TEX15: variants seen among roughly 807,000 people sequenced by gnomAD.
TEX15 encodes the protein testis-expressed protein 15.
A neutral mutation model predicts 237.3 loss-of-function variants in TEX15; 171 were observed. The ratio of observed to expected loss-of-function variants is 0.72; its 90% confidence interval spans 0.64 to 0.82. The LOEUF (loss-of-function observed/expected upper bound fraction) is 0.82. Ranked by LOEUF, TEX15 falls within the 40% of genes least tolerant of loss-of-function variation. The probability of loss-of-function intolerance (pLI) is 0.00; values close to 1 mark genes in which losing one functional copy is unlikely to be tolerated. For missense variants in TEX15, 3,750 were observed against 3,646.5 expected, an observed-to-expected ratio of 1.03 and a Z score of -0.73; for synonymous variants, 1,338 against 1,269.8, an observed-to-expected ratio of 1.05 and a Z score of -1.14.
intron 1 of TEX15, among the ~76,000 whole-genome samples, chr8:30,911,939 C>G (rs965853688): frequency 1.3e-5 from 2 of 152,190 alleles, no homozygotes; most frequent in Non-Finnish European, 2.9e-5. Context: ...CGAGGGGTTT[C>G]ACTCCCTTCA....
chr8:30,880,679 G>A (rs917995462), intron 3 of TEX15, among the ~76,000 whole-genome samples: 2 of 151,580 alleles, frequency 1.3e-5, no homozygotes, highest in African/African-American at 4.8e-5. Context: ...AAAATTATGT[G>A]TTAATCAACT....
intron 10 of TEX15, among the ~76,000 whole-genome samples, chr8:30,833,775 A>G (rs1807234063): frequency 6.6e-6 from 1 of 152,226 alleles, no homozygotes. Context: ...AGATGTGCTT[A>G]TAACATTGCA....
At chr8:30,878,465 C>A (rs1808447073) in intron 3 of TEX15, among the ~76,000 whole-genome samples, 1 of 152,118 alleles carries the variant, frequency 6.6e-6, no homozygotes, top group Admixed American at 6.5e-5. Context: ...CTCACCACAA[C>A]CTCTGCCTCT....
chr8:30,842,508 CTTTT>C lies in TEX15; in HGVS notation c.7655_7658del (p.Lys2552SerfsTer3), dbSNP rs779319129. ...TAAAATACTTGGACTTCTTCAGAAG[CTTTT>C]TTATTTCTGAAAGTTCTTGAAGTTC... On this transcript the variant is annotated frameshift_variant, in exon 8 of 11. Transcript: ENST00000643185. LOFTEE classifies it high-confidence loss of function. 2.9e-5 allele frequency: 46 copies of C among 1,611,994 alleles called. No homozygotes were observed. The highest frequency in any genetic ancestry group is 3.7e-5 in the Non-Finnish European group (44 of 1,179,660).
At chr8:30,896,819 T>C (rs891096652) in intron 2 of TEX15, among the ~76,000 whole-genome samples, 3 of 152,200 alleles carry the variant, frequency 2.0e-5, no homozygotes, top group Non-Finnish European at 4.4e-5. Flanking sequence ...ATAAAAGTAA[T>C]AAATCTATTA....
chr8:30,901,285 T>C (rs559839105), intron 1 of TEX15, among the ~76,000 whole-genome samples: 5 of 152,214 alleles, frequency 3.3e-5, no homozygotes, highest in Admixed American at 1.3e-4. Context: ...ATAGATATGG[T>C]TGAAAATATT....
chr8:30,891,369 T>C (rs1808789201), intron 2 of TEX15, among the ~76,000 whole-genome samples: 1 of 151,994 alleles, frequency 6.6e-6, no homozygotes, highest in African/African-American at 2.4e-5. Context: ...TGTATGGGAG[T>C]TCCAGTTTCT....
At chr8:30,853,563 G>C (rs975514269) in intron 7 of TEX15, among the ~76,000 whole-genome samples, 3 of 152,136 alleles carry the variant, frequency 2.0e-5, no homozygotes, top group African/African-American at 7.2e-5. Flanking sequence ...AAGTAATATA[G>C]AGATAATTTA....
Position 30,867,261 on chromosome 8 carries a change from C to A in TEX15, c.540+4G>T. The A allele has an allele frequency of 2.0e-5, 28 of 1,374,978 alleles. No individual in the cohort carries two copies. Among genetic ancestry groups the A allele is most frequent in the Non-Finnish European group, 2.6e-5 (26 of 1,002,416 alleles). The allele number at this position is 1,374,978 out of a possible 1,614,324, so 85.2% of individuals were successfully genotyped here. A position where few individuals can be genotyped will look rare whatever the true frequency, so the allele number is the denominator to read the frequency against. ...ATACTTAATATTTGTTTTATGATAC[C>A]TACCTTAAAAATTAAAATACTTTCT... On this transcript the variant is annotated splice_donor_region_variant and intron_variant, in intron 5 of 10. Coordinates refer to ENST00000643185, the MANE Select transcript of TEX15 (RefSeq NM_001350162.2).
chr8:30,875,536 A>C (rs1808382345), intron 3 of TEX15, among the ~76,000 whole-genome samples: 1 of 152,236 alleles, frequency 6.6e-6, no homozygotes, highest in African/African-American at 2.4e-5. Context: ...TGTGTGTAAG[A>C]TGCTGCCTGA....
In TEX15 at chr8:30,843,958, AC is replaced by A; in HGVS notation, c.6208del (p.Val2070LeufsTer5). ...CATTTGAAGTTCTACCAAAGTGTCA[AC>A]AGCACATGGTTTTAATGTGTGTTTG... ...NCKHTLKPCAVDTLVELQMMM... is the reference protein window; with the variant it reads ...NCKHTLKPCAXDTLVELQMMM... On this transcript the variant is annotated frameshift_variant, in exon 8 of 11. Transcript: ENST00000643185. LOFTEE classifies it high-confidence loss of function. 6.2e-7 allele frequency: 1 copy of A among 1,613,098 alleles called. No individual in the cohort carries two copies. Among genetic ancestry groups the A allele is most frequent in the Non-Finnish European group, 8.5e-7 (1 of 1,179,664 alleles).
At chr8:30,878,508 C>T (rs537492697) in intron 3 of TEX15, among the ~76,000 whole-genome samples, 240 of 152,170 alleles carry the variant, frequency 1.6e-3, no homozygotes, top group African/African-American at 4.7e-3. Context: ...CTCAGCCTCA[C>T]GAGTAGCTAG....
intron 2 of TEX15, among the ~76,000 whole-genome samples, chr8:30,889,420 C>T (rs1470959401): frequency 6.6e-6 from 1 of 152,062 alleles, no homozygotes; most frequent in Non-Finnish European, 1.5e-5. Flanking sequence ...CCATTGCACT[C>T]CAGCCTGGGA....
rs1239224537 is a variant in TEX15, at chr8:30,874,972, G to A, written c.267C>T (p.His89=). Residue 89 remains histidine, a synonymous_variant, in exon 4 of 11, where the codon CAC becomes CAT. Coordinates refer to ENST00000643185, the MANE Select transcript of TEX15 (RefSeq NM_001350162.2). Reference sequence around the variant, plus strand: ...TAAAATTTTTTTCCAGTTCCTCATTGTGAACCAGTTTTGTATCCCCAAACT... The same window carrying A: ...TAAAATTTTTTTCCAGTTCCTCATTATGAACCAGTTTTGTATCCCCAAACT... ...LWQFGDTKLV[H]NEELEKNFTA... 7.3e-7 allele frequency: 1 copy of A among 1,364,274 alleles called. No homozygotes were observed. The highest frequency in any genetic ancestry group is 2.1e-5 in the South Asian group (1 of 48,732). 84.5% of individuals were successfully genotyped at this position (1,364,274 alleles called of 1,614,324 possible). A position where few individuals can be genotyped will look rare whatever the true frequency, so the allele number is the denominator to read the frequency against.
At chr8:30,833,971 A>G (rs1585275325) in intron 10 of TEX15, among the ~76,000 whole-genome samples, 1 of 152,198 alleles carries the variant, frequency 6.6e-6, no homozygotes, top group African/African-American at 2.4e-5. Flanking sequence ...TATTAAGAAC[A>G]AAAGAAAGCC....
Position 30,867,360 on chromosome 8 carries a change from G to A in TEX15, c.445C>T (p.Pro149Ser). 1.3e-6 allele frequency: 2 copies of A among 1,529,490 alleles called. No individual in the cohort carries two copies. Among genetic ancestry groups the A allele is most frequent in the Non-Finnish European group, 1.8e-6 (2 of 1,141,314 alleles). 94.7% of individuals were successfully genotyped at this position (1,529,490 alleles called of 1,614,324 possible). A position where few individuals can be genotyped will look rare whatever the true frequency, so the allele number is the denominator to read the frequency against. The change falls in exon 5 of 11, where the codon CCT (proline) becomes TCT (serine). Residue 149 changes from proline (P) to serine (S), a missense_variant. Physicochemically the swap from Pro to Ser is moderately conservative, Grantham distance 74 (BLOSUM62 -1). Transcript: ENST00000643185. ...CTAAACATATAAATTCCAAGAAGAG[G>A]ATTTCCTAGTATCTTCAATGTAGAT... The part of the protein sequence containing the change: ...RASTLKILGN[P>S]LLGIYMFRHV...
Position 30,842,346 on chromosome 8 carries a change from T to G in TEX15, c.7821A>C (p.Gly2607=). The G allele has an allele frequency of 1.2e-6, 2 of 1,613,880 alleles. No homozygotes were observed. Among genetic ancestry groups the G allele is most frequent in the Non-Finnish European group, 1.7e-6 (2 of 1,179,880 alleles). The change falls in exon 8 of 11, where the codon GGA becomes GGC. Residue 2607 remains glycine (G), a synonymous_variant. Coordinates refer to ENST00000643185, the MANE Select transcript of TEX15 (RefSeq NM_001350162.2). ...TGACTTTCCTAATGTGGGCCATTTT[T>G]CCTAAATCTTTCCTAGGGGCAGACA... ...NVMSAPRKDL[G]KMAHIRKVMK...
rs1224048999 is a variant in TEX15, at chr8:30,843,622, T to C, written c.6545A>G (p.His2182Arg). Residue 2182 changes from histidine (H) to arginine (R), a missense_variant, in exon 8 of 11, where the codon CAT (histidine) becomes CGT (arginine). Transcript: ENST00000643185. ...AGAAAAATCAAAGCAATCGGAACAA[T>C]GCTCCATTATGGCTTCACATTCATT... is the stretch of plus-strand genomic sequence containing the variant. ...QVNECEAIME[H>R]CSDCFDFSLS... The C allele has an allele frequency of 3.1e-6, 5 of 1,612,760 alleles. No individual in the cohort carries two copies. In the African/African-American group the frequency reaches 5.3e-5, roughly 17 times the overall value.
At chr8:30,854,937 T>G (rs1394940151) in intron 7 of TEX15, among the ~76,000 whole-genome samples, 2 of 151,916 alleles carry the variant, frequency 1.3e-5, no homozygotes, top group Non-Finnish European at 2.9e-5. Flanking sequence ...GTCTAAAAAC[T>G]CTCAATAAAC....
Sources: gnomAD v4.1 joint callset for allele counts (sites outside exome capture counted in the v4.1 genomes callset) on GRCh38, gnomAD v4.1.1 for gene constraint, MANE v1.5 for transcripts, NCBI Gene and HGNC (gene_info 2026-07-23, HGNC 2026-07-21) for gene names.